The following TMEM232 variants were observed in gnomAD, a reference collection of about 807,000 sequenced individuals.
The protein encoded by TMEM232 is transmembrane protein 232.
A neutral mutation model predicts 78.8 loss-of-function variants in TMEM232; 80 were observed. The observed-to-expected ratio is 1.01, with a 90% CI of 0.85 to 1.22. TMEM232 has a LOEUF of 1.22. TMEM232 is among the 50% of genes most tolerant of loss of function. The pLI is 0.00. For synonymous variants in TMEM232, 297 were observed against 254.3 expected, an observed-to-expected ratio of 1.17 and a Z score of -1.60; for missense variants, 881 against 742.2, an observed-to-expected ratio of 1.19 and a Z score of -2.17.
At chr5:110,734,835 T>C (rs1251556860) in intron 2 of TMEM232, 1 of 152,212 alleles carries the variant, frequency 6.6e-6, no homozygotes, top group Non-Finnish European at 1.5e-5. Flanking sequence ...TTAAAATTGC[T>C]TATTTCAAGT....
chr5:110,702,014 A>C (rs894043235), intron 1 of TMEM232, among the ~76,000 whole-genome samples: 3 of 151,970 alleles, frequency 2.0e-5, no homozygotes, highest in African/African-American at 7.2e-5. Context: ...CCACTCCAAA[A>C]ACTAGACAGC....
At chr5:110,404,655 G>A (rs1755721353) in intron 2 of TMEM232, among the ~76,000 whole-genome samples, 1 of 151,936 alleles carries the variant, frequency 6.6e-6, no homozygotes, top group Non-Finnish European at 1.5e-5. Flanking sequence ...TTCAAATCAT[G>A]GTAAAAACAA....
rs780028192 is a variant in TMEM232, at chr5:110,608,180, C to T, written c.903-1893G>A. 3.3e-5 allele frequency among the ~76,000 whole-genome samples: 5 copies of T among 151,940 alleles called. No homozygotes were observed. In the South Asian group the frequency reaches 1.0e-3, roughly 32 times the overall value. ...GGCAATTTATGTACCCTACCTCAGT[C>T]TTAATTTACTTGTCTATAAAGAAAA... On this transcript the variant is annotated intron_variant, in intron 8 of 13. Transcript: ENST00000455884.
intron 1 of TMEM232, among the ~76,000 whole-genome samples, chr5:110,668,847 T>G (rs979122850): frequency 6.6e-6 from 1 of 152,166 alleles, no homozygotes; most frequent in African/African-American, 2.4e-5. Context: ...CTCAACTGCC[T>G]GGAAACTGAA....
chr5:110,425,421 C>T (rs1368958728), intron 12 of TMEM232, among the ~76,000 whole-genome samples: 2 of 151,978 alleles, frequency 1.3e-5, no homozygotes, highest in Middle Eastern at 3.4e-3. Flanking sequence ...TTGTGTGAAT[C>T]CAGGAACACT....
intron 12 of TMEM232, among the ~76,000 whole-genome samples, chr5:110,475,639 A>G (rs1234845045): frequency 6.6e-6 from 1 of 151,844 alleles, no homozygotes; most frequent in Admixed American, 6.6e-5. Flanking sequence ...AAGTGAAGAG[A>G]TAGAGCTATA....
chr5:110,544,259 T>A (rs891848035), intron 11 of TMEM232, among the ~76,000 whole-genome samples: 1 of 152,146 alleles, frequency 6.6e-6, no homozygotes, highest in Non-Finnish European at 1.5e-5. Flanking sequence ...ACTATTAAAA[T>A]TGGAAAAGTA....
chr5:110,572,443 A>AT (rs1369265955), intron 10 of TMEM232, among the ~76,000 whole-genome samples: 1 of 152,064 alleles, frequency 6.6e-6, no homozygotes, highest in East Asian at 1.9e-4. Context: ...CATACAGTGA[A>AT]TTTTAACTAA....
chr5:110,667,242 C>A lies in TMEM232; in HGVS notation c.111G>T (p.Arg37Ser). 1 of 1,544,414 alleles carries A rather than the reference C, an allele frequency of 6.5e-7. No individual in the cohort carries two copies. The highest frequency in any genetic ancestry group is 8.8e-7 in the Non-Finnish European group (1 of 1,142,826). ...TTCTAGCTTACCTTGATTTATGACC[C>A]CTTTCTCCACTTAAATGTTGAAAAT... ...KLNFQHLSGE[R>S]GHKSRPTFSI... The change falls in exon 2 of 14, where the codon AGG (arginine) becomes AGT (serine). Residue 37 changes from arginine to serine, a missense_variant. Coordinates refer to ENST00000455884, the MANE Select transcript of TMEM232 (RefSeq NM_001039763.4).
At chr5:110,519,735 G>C (rs375339595) in intron 12 of TMEM232, among the ~76,000 whole-genome samples, 4 of 151,746 alleles carry the variant, frequency 2.6e-5, no homozygotes, top group East Asian at 1.9e-4. Context: ...TCCATCAATA[G>C]ATGAACAAAT....
intron 5 of TMEM232, among the ~76,000 whole-genome samples, chr5:110,631,061 T>C (rs1785058774): frequency 6.6e-6 from 1 of 152,062 alleles, no homozygotes; most frequent in South Asian, 2.1e-4. Flanking sequence ...TTTAGAAAGA[T>C]AGCCTGCATA....
chr5:110,573,738 A>G (rs1295068745), intron 10 of TMEM232, among the ~76,000 whole-genome samples: 1 of 152,116 alleles, frequency 6.6e-6, no homozygotes, highest in African/African-American at 2.4e-5. Flanking sequence ...GTGATATTCA[A>G]GCTAAGATCT....
chr5:110,450,723 C>T (rs537848942), intron 12 of TMEM232, among the ~76,000 whole-genome samples: 2 of 152,198 alleles, frequency 1.3e-5, no homozygotes, highest in African/African-American at 4.8e-5. Context: ...TACCCACCCC[C>T]ACTCCACAGT....
In TMEM232 at chr5:110,514,578, G is replaced by A. The variant is rs546560988; in HGVS notation, c.1703+14010C>T. 2.6e-5 allele frequency among the ~76,000 whole-genome samples: 4 copies of A among 152,026 alleles called. No individual in the cohort carries two copies. The South Asian group carries it at 6.2e-4, about 24-fold the overall frequency. On this transcript the variant is annotated intron_variant, in intron 12 of 13. Transcript: ENST00000455884. ...AAAGATCAGAAGCCTAAGGCTCAGAGAAGTTAAGTAACTTACTTTAAATCA... is the reference window on the plus strand; with the variant it reads ...AAAGATCAGAAGCCTAAGGCTCAGAAAAGTTAAGTAACTTACTTTAAATCA...
intron 1 of TMEM232, among the ~76,000 whole-genome samples, chr5:110,721,258 T>C (rs2150347373): frequency 6.6e-6 from 1 of 152,248 alleles, no homozygotes; most frequent in South Asian, 2.1e-4. Context: ...CATTGATAGA[T>C]TTTGTGTGAC....
At chr5:110,656,061 A>G (rs1789007795) in intron 2 of TMEM232, among the ~76,000 whole-genome samples, 1 of 152,036 alleles carries the variant, frequency 6.6e-6, no homozygotes, top group South Asian at 2.1e-4. Flanking sequence ...ATAATAAAAA[A>G]AAAACAATAC....
At chr5:110,670,164 T>C (rs938284030) in intron 1 of TMEM232, among the ~76,000 whole-genome samples, 6 of 152,182 alleles carry the variant, frequency 3.9e-5, no homozygotes, top group African/African-American at 1.4e-4. Context: ...ATAAAGGGTA[T>C]TCAATTAGGA....
rs561075886 is a variant in TMEM232, at chr5:110,531,157, C to T, written c.1456-2322G>A. Among the ~76,000 whole-genome samples the T allele has an allele frequency of 4.0e-4, 61 of 151,524 alleles. 2 individuals are homozygous for T. In the South Asian group the frequency reaches 9.4e-3, roughly 23 times the overall value. On this transcript the variant is annotated intron_variant, in intron 11 of 13. Coordinates refer to ENST00000455884, the MANE Select transcript of TMEM232 (RefSeq NM_001039763.4). ...GCACCCTGTGACCCCCACTTCTGCC[C>T]GCCAGAGAACAACCCCCCTTTTTCC...
chr5:110,568,575 TC>T lies in TMEM232; in HGVS notation c.1326del (p.Ile444PhefsTer17). The part of the protein sequence containing the change: ...TGYYGLVYNL[V>X]KISWELQGDE... Reference sequence around the variant, plus strand: ...TCTCCTTGAAGTTCCCATGAAATTTTCACCAGGTTATACACTAAGCCATAGT... The same window carrying T: ...TCTCCTTGAAGTTCCCATGAAATTTTACCAGGTTATACACTAAGCCATAGT... On this transcript the variant is annotated frameshift_variant, in exon 11 of 14. Transcript: ENST00000455884. LOFTEE classifies it high-confidence loss of function. 1.3e-6 allele frequency: 2 copies of T among 1,549,680 alleles called. No homozygotes were observed. The highest frequency in any genetic ancestry group is 1.7e-6 in the Non-Finnish European group (2 of 1,145,824).
Sources: gnomAD v4.1 joint callset for allele counts (sites outside exome capture counted in the v4.1 genomes callset) on GRCh38, gnomAD v4.1.1 for gene constraint, MANE v1.5 for transcripts, NCBI Gene and HGNC (gene_info 2026-07-23, HGNC 2026-07-21) for gene names.